PDE6C: variants seen among roughly 807,000 people sequenced by gnomAD.
The protein encoded by PDE6C is cone cGMP-specific 3',5'-cyclic phosphodiesterase subunit alpha'.
Under a neutral mutation model 113.1 loss-of-function variants are expected in PDE6C, and 75 were observed. The observed-to-expected ratio is 0.66, with a 90% CI of 0.55 to 0.80. The LOEUF (loss-of-function observed/expected upper bound fraction) is 0.80. Among genes scored for constraint, PDE6C ranks in the 30% least tolerant of loss-of-function variants. The probability of loss-of-function intolerance (pLI) is 0.00; values close to 1 mark genes in which losing one functional copy is unlikely to be tolerated. For missense variants in PDE6C, 912 were observed against 1,038.6 expected (o/e 0.88, Z 1.67); for synonymous variants, 375 against 363.7 (o/e 1.03, Z -0.35).
chr10:93,630,822 C>T (rs570471928), intron 8 of PDE6C, among the ~76,000 whole-genome samples: 9 of 152,276 alleles, frequency 5.9e-5, no homozygotes, highest in East Asian at 5.8e-4. Context: ...CTCCCTTTGC[C>T]GATTGACATG....
At position 93,654,810 on chromosome 10, in the gene PDE6C, C is replaced by CTTTTTT. The variant is rs57025205; in HGVS notation, c.1936-940_1936-935dup. On this transcript the variant is annotated intron_variant, in intron 15 of 21. Transcript: ENST00000371447. Reference sequence around the variant, plus strand: ...TCTTTCTTTCTTTCTTTCTTTCTTTCTTTTTTTTTTTTTTTGAAACAGGGT... The same window carrying CTTTTTT: ...TCTTTCTTTCTTTCTTTCTTTCTTTCTTTTTTTTTTTTTTTTTTTTTGAAACAGGGT... Among the ~76,000 whole-genome samples, 705 of 77,058 alleles carry CTTTTTT rather than the reference C, an allele frequency of 9.1e-3. 15 individuals carry two copies. Among genetic ancestry groups the CTTTTTT allele is most frequent in the Admixed American group, 0.015 (103 of 6,784 alleles). 50.6% of individuals were successfully genotyped at this position (77,058 alleles called of 152,430 possible).
chr10:93,637,443 C>T (rs367705127), intron 11 of PDE6C, among the ~76,000 whole-genome samples: 7 of 152,074 alleles, frequency 4.6e-5, no homozygotes, highest in African/African-American at 1.4e-4. Context: ...GCACTGGCAC[C>T]GCCTGCCATT....
intron 4 of PDE6C, among the ~76,000 whole-genome samples, chr10:93,622,429 G>A (rs2058451113): frequency 6.6e-6 from 1 of 151,950 alleles, no homozygotes; most frequent in African/African-American, 2.4e-5. Flanking sequence ...AGTGTGGTGT[G>A]ATGAATCAAT....
intron 15 of PDE6C, among the ~76,000 whole-genome samples, chr10:93,646,530 C>T (rs1244438502): frequency 6.6e-6 from 1 of 152,084 alleles, no homozygotes; most frequent in Admixed American, 6.6e-5. Flanking sequence ...AGGTTTAATT[C>T]ACTCCCGGTT....
intron 8 of PDE6C, 118 bp downstream of exon 8, chr10:93,629,423 C>T (rs1419559980): frequency 1.6e-5 from 13 of 800,320 alleles, no homozygotes; most frequent in South Asian, 5.4e-5. Context: ...CAGGCACACA[C>T]GGGTCCATCT....
In PDE6C at chr10:93,620,697, C is replaced by T. The variant is rs764080397; in HGVS notation, c.546C>T (p.Thr182=). The T allele has an allele frequency of 6.2e-7, 1 of 1,614,122 alleles. No homozygotes were observed. Among genetic ancestry groups the T allele is most frequent in the Non-Finnish European group, 8.5e-7 (1 of 1,180,008 alleles). The stretch of plus-strand genomic sequence containing the variant: ...ATGTCACTAAGAACCTGCTGGCAAC[C>T]CCGATCGTGGTGGGCAAGGAGGTTC... ...TGYVTKNLLA[T]PIVVGKEVLA... is the part of the protein sequence containing the mutation. The change falls in exon 2 of 22, where the codon ACC becomes ACT. Residue 182 remains threonine (T), a synonymous_variant. Coordinates refer to ENST00000371447, the MANE Select transcript of PDE6C (RefSeq NM_006204.4).
At chr10:93,633,462 T>G (rs2058511573) in intron 8 of PDE6C, among the ~76,000 whole-genome samples, 1 of 43,490 alleles carries the variant, frequency 2.3e-5, no homozygotes, top group Non-Finnish European at 4.9e-5. Flanking sequence ...TGAGACCCTG[T>G]CTCAAAAAAA....
At chr10:93,649,537 T>C (rs1179914624) in intron 15 of PDE6C, among the ~76,000 whole-genome samples, 1 of 152,198 alleles carries the variant, frequency 6.6e-6, no homozygotes, top group African/African-American at 2.4e-5. Flanking sequence ...CTACCCAAGC[T>C]ATTTTTTTAA....
chr10:93,628,705 G>A (rs2058486085), intron 7 of PDE6C, among the ~76,000 whole-genome samples: 1 of 151,796 alleles, frequency 6.6e-6, no homozygotes, highest in African/African-American at 2.4e-5. Flanking sequence ...AACTTAAAAT[G>A]ACCCAAAGTT....
At chr10:93,661,796 G>A (rs922629769) in intron 18 of PDE6C, among the ~76,000 whole-genome samples, 4 of 152,096 alleles carry the variant, frequency 2.6e-5, no homozygotes, top group South Asian at 2.1e-4. Flanking sequence ...TCTCCTTTTC[G>A]TTGGTGAGAA....
intron 5 of PDE6C, among the ~76,000 whole-genome samples, chr10:93,626,142 G>A (rs949519635): frequency 1.2e-4 from 19 of 152,190 alleles, no homozygotes; most frequent in Admixed American, 6.5e-5. Flanking sequence ...TAATTCTCTA[G>A]TCCCTTTCAG....
Position 93,663,062 on chromosome 10 carries a change from T to C in PDE6C, c.2402T>C (p.Met801Thr). Residue 801 changes from methionine (M) to threonine (T), a missense_variant, in exon 21 of 22, where the codon ATG becomes ACG. By Grantham distance (81) the Met-to-Thr change is moderately conservative. Coordinates refer to ENST00000371447, the MANE Select transcript of PDE6C (RefSeq NM_006204.4). Reference protein sequence around the residue: ...FSRFHKEITPMLSGLQNNRVE... With the variant: ...FSRFHKEITPTLSGLQNNRVE... ...CGGTTTCACAAAGAAATCACACCTATGCTGAGTGGTCTTCAGAATAACAGA... is the reference window on the plus strand; with the variant it reads ...CGGTTTCACAAAGAAATCACACCTACGCTGAGTGGTCTTCAGAATAACAGA... 2 of 1,612,994 alleles carry C rather than the reference T, an allele frequency of 1.2e-6. No individual in the cohort carries two copies. The highest frequency in any genetic ancestry group is 2.2e-5 in the South Asian group (2 of 91,046).
Position 93,665,622 on chromosome 10 carries a change from G to A in PDE6C, c.*204G>A, listed in dbSNP as rs761956383. 5 of 558,624 alleles carry A rather than the reference G, an allele frequency of 9.0e-6. No homozygotes were observed. The highest frequency in any genetic ancestry group is 1.6e-5 in the Non-Finnish European group (5 of 314,082). 34.6% of individuals were successfully genotyped at this position (558,624 alleles called of 1,614,324 possible). ...AAAGTGCAAAATATGACAAAAATAG[G>A]TACATTTTTGGTGCCAATTTATTTT... On this transcript the variant is annotated 3_prime_UTR_variant, in exon 22 of 22. Coordinates refer to ENST00000371447, the MANE Select transcript of PDE6C (RefSeq NM_006204.4).
At chr10:93,662,953 T>C in intron 20 of PDE6C, 75 bp from the exon 21 acceptor site, 6 of 1,281,980 alleles carry the variant, frequency 4.7e-6, no homozygotes, top group Non-Finnish European at 6.7e-6. Context: ...TCCTTACAGC[T>C]CACTCTCTGC....
intron 8 of PDE6C, 81 bp downstream of exon 8, chr10:93,629,386 A>C: frequency 9.8e-7 from 1 of 1,024,990 alleles, no homozygotes; most frequent in East Asian, 2.4e-5. Context: ...CCACCCCCAG[A>C]GTCCGCCTGA....
chr10:93,614,121 A>G (rs1016499748), intron 1 of PDE6C, among the ~76,000 whole-genome samples: 8 of 152,216 alleles, frequency 5.3e-5, no homozygotes, highest in African/African-American at 1.9e-4. Context: ...GTGGTCCATT[A>G]TTACAGTTTA....
rs886332434 is a variant in PDE6C, at chr10:93,613,078, C to A, written c.353C>A (p.Thr118Asn). The A allele has an allele frequency of 1.9e-6, 3 of 1,614,184 alleles. No individual in the cohort carries two copies. Among genetic ancestry groups the A allele is most frequent in the Non-Finnish European group, 2.5e-6 (3 of 1,180,040 alleles). The part of the protein sequence containing the change: ...PEVASRLLDV[T>N]PTSKFEDNLV... ...GTGGCCTCTAGGTTGCTGGATGTCACCCCCACCTCCAAGTTTGAGGACAAC... is the reference window on the plus strand; with the variant it reads ...GTGGCCTCTAGGTTGCTGGATGTCAACCCCACCTCCAAGTTTGAGGACAAC... Residue 118 changes from threonine to asparagine, a missense_variant, in exon 1 of 22, where the codon ACC (threonine) becomes AAC (asparagine). Transcript: ENST00000371447.
Position 93,665,475 on chromosome 10 carries a change from A to T in PDE6C, c.*57A>T, listed in dbSNP as rs1022270061. 2.6e-6 allele frequency: 3 copies of T among 1,141,408 alleles called. No individual in the cohort carries two copies. Among genetic ancestry groups the T allele is most frequent in the Non-Finnish European group, 4.0e-6 (3 of 750,650 alleles). The allele number at this position is 1,141,408 out of a possible 1,614,324, so 70.7% of individuals were successfully genotyped here. ...ATTTTACCTTTGAAGAAAACCAGAA[A>T]ACATTCAAAAGAACTTCAACAAATC... On this transcript the variant is annotated 3_prime_UTR_variant, in exon 22 of 22. Coordinates refer to ENST00000371447, the MANE Select transcript of PDE6C (RefSeq NM_006204.4).
At chr10:93,629,979 T>C (rs1250358145) in intron 8 of PDE6C, among the ~76,000 whole-genome samples, 1 of 152,124 alleles carries the variant, frequency 6.6e-6, no homozygotes, top group Non-Finnish European at 1.5e-5. Context: ...TGACACAGCA[T>C]TCATGCTCAA....
Sources: allele counts gnomAD v4.1 joint callset (sites outside exome capture counted in the v4.1 genomes callset), GRCh38; gene constraint gnomAD v4.1.1; transcripts MANE v1.5; gene names NCBI Gene and HGNC (gene_info 2026-07-23, HGNC 2026-07-21).